Variants in ZFP28 observed in about 807,000 individuals in gnomAD.
ZFP28 encodes zinc finger protein 28 homolog.
In ZFP28, 31 loss-of-function variants were observed where a neutral mutation model predicts 39.5. The observed-to-expected ratio is 0.79, with a 90% CI of 0.59 to 1.06. The LOEUF (loss-of-function observed/expected upper bound fraction) is 1.06, where lower values mean the gene tolerates loss of function less well. ZFP28 is among the 50% of genes least tolerant of loss of function. ZFP28 has a pLI of 0.00. For missense variants in ZFP28, 925 were observed against 1,048.4 expected, an observed-to-expected ratio of 0.88 and a Z score of 1.63; for synonymous variants, 400 against 378.6, an observed-to-expected ratio of 1.06 and a Z score of -0.66.
intron 7 of ZFP28, chr19:56,550,867 C>G: frequency 6.9e-7 from 1 of 1,444,526 alleles, no homozygotes; most frequent in Non-Finnish European, 9.0e-7. Context: ...CTTAAATGAT[C>G]TTTTCTGGAC....
At chr19:56,548,030 TG>T (rs1055455955) in intron 4 of ZFP28, 128 bp downstream of exon 4, 14 of 787,640 alleles carry the variant, frequency 1.8e-5, no homozygotes, top group Middle Eastern at 3.5e-4. Flanking sequence ...TTTTACTATT[TG>T]GGAATACAGA....
At chr19:56,553,105 C>T (rs2044319817) in intron 7 of ZFP28, 1 of 151,944 alleles carries the variant, frequency 6.6e-6, no homozygotes, top group Non-Finnish European at 1.5e-5. Flanking sequence ...AACTATGCCT[C>T]AATAAAGCTG....
At chr19:56,538,857 GGGCGCGGCCGGGGGCGGGGCGGCTCCGC>G (rs2044163112), upstream of ZFP28, 5 of 339,904 alleles carry the variant, frequency 1.5e-5, no homozygotes, top group African/African-American at 2.3e-5. Flanking sequence ...GGGAGGGGCG[GGGCGCGGCCGGGGGCGGGGCGGCTCCGC>G]GGCGCGGCCC....
Position 56,554,902 on chromosome 19 carries a change from G to A in ZFP28, c.2117G>A (p.Cys706Tyr). ...TGEKPYKCME[C>Y]GKAFGDNSSC... ...GAGAAACCCTATAAATGTATGGAATGTGGGAAGGCCTTTGGTGATAACTCA... is the reference window on the plus strand; with the variant it reads ...GAGAAACCCTATAAATGTATGGAATATGGGAAGGCCTTTGGTGATAACTCA... The change falls in exon 8 of 8, where the codon TGT becomes TAT. Residue 706 changes from cysteine (C) to tyrosine (Y), a missense_variant. Physicochemically the swap from Cys to Tyr is radical, Grantham distance 194. Around this residue, in one of 2 missense-constraint regions of ZFP28, gnomAD observed 369 missense variants for 505.5 expected, o/e 0.73. Transcript: ENST00000301318. This position sits in a 1 kb window ranked among gnomAD's most constrained non-coding sequence, Gnocchi z 6.7. 1 of 1,614,180 alleles carries A rather than the reference G, an allele frequency of 6.2e-7. No homozygotes were observed. Among genetic ancestry groups the A allele is most frequent in the Non-Finnish European group, 8.5e-7 (1 of 1,180,014 alleles).
At chr19:56,549,204 C>A in intron 5 of ZFP28, 83 bp downstream of exon 5, 4 of 1,468,938 alleles carry the variant, frequency 2.7e-6, no homozygotes, top group Non-Finnish European at 3.7e-6. Flanking sequence ...ATGACTACAA[C>A]AACTATAAGA....
intron 4 of ZFP28, 72 bp from the exon 5 acceptor site, chr19:56,548,886 G>T: frequency 2.1e-6 from 3 of 1,415,068 alleles, no homozygotes; most frequent in South Asian, 1.5e-5. Flanking sequence ...TTAATTTAAC[G>T]GTTGCATTTT....
intron 7 of ZFP28, chr19:56,553,194 G>C (rs1246656884): frequency 6.6e-6 from 1 of 151,510 alleles, no homozygotes; most frequent in East Asian, 1.9e-4. Flanking sequence ...TTTCAGGCTT[G>C]TGGAAGTAAC....
rs779139137 is a variant in ZFP28, at chr19:56,553,733, A to G, written c.948A>G (p.Ser316=). 6.3e-5 allele frequency: 101 copies of G among 1,613,492 alleles called. No individual in the cohort carries two copies. Among genetic ancestry groups the G allele is most frequent in the Non-Finnish European group, 8.1e-5 (96 of 1,179,856 alleles). The part of the protein sequence containing the change: ...ETQELFPKQD[S]YAEGVTDRTS... ...AGGAATTATTTCCAAAGCAAGATTC[A>G]TATGCTGAAGGGGTAACAGACAGAA... Residue 316 remains serine (S), a synonymous_variant, in exon 8 of 8, where the codon TCA becomes TCG. Transcript: ENST00000301318.
rs1398920813 is a variant in ZFP28, at chr19:56,544,347, G to T, written c.301-3161G>T. 5.9e-5 allele frequency among the ~76,000 whole-genome samples: 9 copies of T among 152,228 alleles called. No homozygotes were observed. In the South Asian group the frequency reaches 6.2e-4, roughly 11 times the overall value. On this transcript the variant is annotated intron_variant, in intron 2 of 7. Coordinates refer to ENST00000301318, the MANE Select transcript of ZFP28 (RefSeq NM_020828.2). ...TGGTTGAAAAAAATCAAAAGAAGAA[G>T]AATACATGAAAATTAAATGAAAGTC...
chr19:56,542,041 CA>C (rs1327268580), intron 2 of ZFP28, among the ~76,000 whole-genome samples: 1 of 151,784 alleles, frequency 6.6e-6, no homozygotes, highest in East Asian at 1.9e-4. Context: ...TAGTACTTTT[CA>C]ACATACTATA....
Position 56,542,619 on chromosome 19 carries a change from C to T in ZFP28, c.300+2903C>T, listed in dbSNP as rs574733544. On this transcript the variant is annotated intron_variant, in intron 2 of 7. Transcript: ENST00000301318. ...TAGGCAAGGATTTGGGGCAGTTTTG[C>T]CTAATGTCTGATACAGAAAATATTT... Among the ~76,000 whole-genome samples the T allele has an allele frequency of 5.9e-5, 9 of 152,256 alleles. No homozygotes were observed. In the South Asian group the frequency reaches 8.3e-4, roughly 14 times the overall value.
Position 56,555,016 on chromosome 19 carries a change from T to G in ZFP28, c.2231T>G (p.Leu744Arg), listed in dbSNP as rs749533100. The change falls in exon 8 of 8, where the codon CTT becomes CGT. Residue 744 changes from leucine to arginine, a missense_variant. Coordinates refer to ENST00000301318, the MANE Select transcript of ZFP28 (RefSeq NM_020828.2). The stretch of plus-strand genomic sequence containing the variant: ...AAGGCATTCAAGACAAAATCCTCCC[T>G]TATTTGTCATCGCAGAAGTCATACT... ...CGKAFKTKSSLICHRRSHTGE... is the reference protein window; with the variant it reads ...CGKAFKTKSSRICHRRSHTGE... 1 of 1,614,010 alleles carries G rather than the reference T, an allele frequency of 6.2e-7. No individual in the cohort carries two copies. The highest frequency in any genetic ancestry group is 8.5e-7 in the Non-Finnish European group (1 of 1,180,032).
upstream of ZFP28, chr19:56,538,901 A>G (rs2044163734): frequency 1.1e-6 from 1 of 874,442 alleles, no homozygotes; most frequent in Non-Finnish European, 1.4e-6. Flanking sequence ...GGCCCAGTGG[A>G]TGCCGGGCCA....
intron 7 of ZFP28, chr19:56,552,599 C>G (rs2044314012): frequency 6.6e-6 from 1 of 151,962 alleles, no homozygotes; most frequent in Non-Finnish European, 1.5e-5. Context: ...TAAAATTTTT[C>G]CCCAATTTTG....
intron 7 of ZFP28, 86 bp downstream of exon 7, chr19:56,550,691 C>T: frequency 6.2e-7 from 1 of 1,600,908 alleles, no homozygotes; most frequent in Non-Finnish European, 8.5e-7. Context: ...CACTAATATA[C>T]AGTAGGAAAC....
At position 56,554,340 on chromosome 19, in the gene ZFP28, G is replaced by A; in HGVS notation, c.1555G>A (p.Gly519Arg). The A allele has an allele frequency of 6.2e-7, 1 of 1,614,018 alleles. No individual in the cohort carries two copies. The highest frequency in any genetic ancestry group is 8.5e-7 in the Non-Finnish European group (1 of 1,180,008). Residue 519 changes from glycine to arginine, a missense_variant, in exon 8 of 8, where the codon GGG becomes AGG. By Grantham distance (125) the Gly-to-Arg change is moderately radical. This residue lies in a region of ZFP28 where 369 missense variants were observed against 505.5 expected (regional missense o/e 0.73). Transcript: ENST00000301318. The surrounding 1 kb of genome is among the most constrained non-coding windows in gnomAD (Gnocchi z 6.7). Reference protein sequence around the residue: ...DCGKAFSDHIGLNQHRRIHTG... With the variant: ...DCGKAFSDHIRLNQHRRIHTG... ...TGGGAAAGCCTTCAGTGACCACATA[G>A]GGCTTAATCAACACAGGAGAATTCA...
chr19:56,548,919 C>G (rs766742221), intron 4 of ZFP28, 39 bp from the exon 5 acceptor site: 1 of 1,574,594 alleles, frequency 6.4e-7, no homozygotes, highest in Non-Finnish European at 8.6e-7. Context: ...CATACTAACA[C>G]ATGATAAAAG....
Position 56,554,147 on chromosome 19 carries a change from G to C in ZFP28, c.1362G>C (p.Gly454=). The part of the protein sequence containing the change: ...GEKPYKCNEC[G]KAFSDGSSFA... Reference sequence around the variant, plus strand: ...AACCTTATAAATGTAATGAATGTGGGAAGGCCTTTAGTGACGGCTCATCCT... The same window carrying C: ...AACCTTATAAATGTAATGAATGTGGCAAGGCCTTTAGTGACGGCTCATCCT... The change falls in exon 8 of 8, where the codon GGG becomes GGC. Residue 454 remains glycine, a synonymous_variant. Coordinates refer to ENST00000301318, the MANE Select transcript of ZFP28 (RefSeq NM_020828.2). This position sits in a 1 kb window ranked among gnomAD's most constrained non-coding sequence, Gnocchi z 6.7. 2 of 1,614,120 alleles carry C rather than the reference G, an allele frequency of 1.2e-6. No homozygotes were observed. The highest frequency in any genetic ancestry group is 1.7e-6 in the Non-Finnish European group (2 of 1,180,024).
intron 2 of ZFP28, among the ~76,000 whole-genome samples, chr19:56,543,615 A>G (rs1378812598): frequency 6.6e-6 from 1 of 152,026 alleles, no homozygotes; most frequent in African/African-American, 2.4e-5. Context: ...TGCCTATATC[A>G]GGAGTAGATT....
Sources: gnomAD v4.1 joint callset for allele counts (sites outside exome capture counted in the v4.1 genomes callset) on GRCh38, gnomAD v4.1.1 for gene constraint, gnomAD v4.1.1 regional missense constraint, Gnocchi (gnomAD v3.1) non-coding constraint, MANE v1.5 for transcripts, NCBI Gene and HGNC (gene_info 2026-07-23, HGNC 2026-07-21) for gene names.